Variants in FNBP1L observed in about 807,000 individuals in gnomAD.
FNBP1L encodes formin-binding protein 1-like.
Under a neutral mutation model 91.2 loss-of-function variants are expected in FNBP1L, and 36 were observed. That is an observed-to-expected ratio of 0.39 (90% CI 0.30 to 0.52). The LOEUF (loss-of-function observed/expected upper bound fraction) is 0.52, where lower values mean the gene tolerates loss of function less well. Ranked by LOEUF, FNBP1L falls within the 20% of genes least tolerant of loss-of-function variation. FNBP1L has a pLI of 0.66. For missense variants in FNBP1L, 571 were observed against 732.1 expected, an observed-to-expected ratio of 0.78 and a Z score of 2.54; for synonymous variants, 242 against 237.0, an observed-to-expected ratio of 1.02 and a Z score of -0.19.
At chr1:93,505,823 C>G (rs923940839) in intron 2 of FNBP1L, among the ~76,000 whole-genome samples, 6 of 152,160 alleles carry the variant, frequency 3.9e-5, no homozygotes, top group Admixed American at 3.9e-4. Context: ...GCACTACAGG[C>G]ACCTGCCACC....
chr1:93,466,974 A>G (rs999086764), intron 1 of FNBP1L, among the ~76,000 whole-genome samples: 4 of 152,158 alleles, frequency 2.6e-5, no homozygotes, highest in African/African-American at 9.7e-5. Flanking sequence ...CTCCTGCCTC[A>G]GCCTCCAGAG....
chr1:93,551,322 G>A (rs1200566975), intron 16 of FNBP1L: 3 of 1,227,988 alleles, frequency 2.4e-6, no homozygotes, highest in Admixed American at 3.9e-5. Flanking sequence ...TTTGAGTAAC[G>A]TTGGTGTGAA....
intron 5 of FNBP1L, among the ~76,000 whole-genome samples, chr1:93,527,686 A>C (rs1202883903): frequency 6.6e-6 from 1 of 152,104 alleles, no homozygotes; most frequent in Non-Finnish European, 1.5e-5. Context: ...ATAATCCGTA[A>C]AGCCCGATCG....
chr1:93,535,628 CAT>C (rs1466721668), intron 9 of FNBP1L, among the ~76,000 whole-genome samples: 1 of 151,978 alleles, frequency 6.6e-6, no homozygotes, highest in African/African-American at 2.4e-5. Flanking sequence ...TTGATCATGG[CAT>C]ATGAGTGTAG....
At position 93,526,281 on chromosome 1, in the gene FNBP1L, A is replaced by T. The variant is rs150910767; in HGVS notation, c.405+1958A>T. ...TTATAAGAGCAGAGCTCAGAAATGG[A>T]GCAGTTCCATAGTTAGTCAGTAGCC... On this transcript the variant is annotated intron_variant, in intron 5 of 16. Transcript: ENST00000271234. Among the ~76,000 whole-genome samples the T allele has an allele frequency of 2.8e-3, 420 of 152,286 alleles. 7 individuals carry two copies. The highest frequency in any genetic ancestry group is 2.2e-3 in the Non-Finnish European group (153 of 68,002).
intron 1 of FNBP1L, among the ~76,000 whole-genome samples, chr1:93,478,012 C>CA (rs1400841918): frequency 2.0e-5 from 3 of 152,148 alleles, no homozygotes; most frequent in Non-Finnish European, 4.4e-5. Context: ...CACAGATTCA[C>CA]TTTGGTTGTA....
chr1:93,549,772 G>A (rs1218257759), intron 15 of FNBP1L, among the ~76,000 whole-genome samples: 1 of 152,206 alleles, frequency 6.6e-6, no homozygotes, highest in Non-Finnish European at 1.5e-5. Flanking sequence ...CCAGGAAGCG[G>A]GATGCTGGCG....
intron 5 of FNBP1L, among the ~76,000 whole-genome samples, chr1:93,525,068 CAA>C (rs35709316): frequency 1.6e-3 from 213 of 135,708 alleles, no homozygotes; most frequent in Middle Eastern, 3.8e-3. Flanking sequence ...GGATTAGAGT[CAA>C]AAAAAAAAAA....
At chr1:93,460,775 T>C (rs1425515177) in intron 1 of FNBP1L, among the ~76,000 whole-genome samples, 1 of 152,070 alleles carries the variant, frequency 6.6e-6, no homozygotes, top group Non-Finnish European at 1.5e-5. Context: ...AGAGGCTGGG[T>C]GTGGGGAGAA....
intron 2 of FNBP1L, among the ~76,000 whole-genome samples, chr1:93,520,717 A>C (rs1309980507): frequency 6.6e-6 from 1 of 152,112 alleles, no homozygotes; most frequent in Non-Finnish European, 1.5e-5. Context: ...GGGACAGAGA[A>C]GTTAGGCAAA....
At chr1:93,475,781 CATT>C (rs1669473498) in intron 1 of FNBP1L, among the ~76,000 whole-genome samples, 1 of 152,082 alleles carries the variant, frequency 6.6e-6, no homozygotes, top group South Asian at 2.1e-4. Flanking sequence ...ACAAAATAAT[CATT>C]ATTAACAGCT....
chr1:93,542,114 T>C (rs1672066231), intron 11 of FNBP1L, among the ~76,000 whole-genome samples: 1 of 152,006 alleles, frequency 6.6e-6, no homozygotes, highest in Non-Finnish European at 1.5e-5. Context: ...ATTTTTGGCA[T>C]ATATATATAC....
intron 1 of FNBP1L, among the ~76,000 whole-genome samples, chr1:93,478,624 GTA>G (rs1266877357): frequency 2.0e-5 from 3 of 152,294 alleles, no homozygotes; most frequent in East Asian, 3.9e-4. Context: ...CTTGAGTACA[GTA>G]AAGAGGGTAC....
intron 1 of FNBP1L, among the ~76,000 whole-genome samples, chr1:93,495,574 A>G (rs1197866423): frequency 6.6e-6 from 1 of 152,222 alleles, no homozygotes; most frequent in Non-Finnish European, 1.5e-5. Flanking sequence ...GTGTTTCCAA[A>G]TGAAACAGGG....
chr1:93,516,345 C>T (rs189574619), intron 2 of FNBP1L, among the ~76,000 whole-genome samples: 19 of 152,300 alleles, frequency 1.2e-4, no homozygotes, highest in Non-Finnish European at 2.8e-4. Context: ...CTGAGCTATA[C>T]CCCCTTTACC....
intron 7 of FNBP1L, among the ~76,000 whole-genome samples, chr1:93,531,678 A>G (rs533507149): frequency 6.6e-6 from 1 of 152,222 alleles, no homozygotes; most frequent in African/African-American, 2.4e-5. Context: ...CAAGCCTGCC[A>G]GTCTTCACTG....
chr1:93,526,604 G>A (rs1211665081), intron 5 of FNBP1L, among the ~76,000 whole-genome samples: 1 of 152,146 alleles, frequency 6.6e-6, no homozygotes, highest in South Asian at 2.1e-4. Context: ...AGGAGAGCAA[G>A]TATTAGCTGT....
chr1:93,534,421 T>C (rs929141594), intron 8 of FNBP1L, among the ~76,000 whole-genome samples: 2 of 152,162 alleles, frequency 1.3e-5, no homozygotes, highest in African/African-American at 4.8e-5. Flanking sequence ...TTCAGCTAAG[T>C]AGTCTTCAGA....
chr1:93,511,911 A>T (rs1156960273), intron 2 of FNBP1L, among the ~76,000 whole-genome samples: 1 of 138,322 alleles, frequency 7.2e-6, no homozygotes, highest in Non-Finnish European at 1.5e-5. Context: ...GCTTGCAGTG[A>T]GCCGAGATCC....
Sources: allele counts gnomAD v4.1 joint callset (sites outside exome capture counted in the v4.1 genomes callset), GRCh38; gene constraint gnomAD v4.1.1; transcripts MANE v1.5; gene names NCBI Gene and HGNC (gene_info 2026-07-23, HGNC 2026-07-21).